The following COG8 variants were observed in gnomAD, a reference collection of about 807,000 sequenced individuals.
COG8 encodes the protein component of oligomeric golgi complex 8, also known as conserved oligomeric Golgi complex subunit 8.
In COG8, 45 loss-of-function variants were observed where a neutral mutation model predicts 46.5. The ratio of observed to expected loss-of-function variants is 0.97; its 90% confidence interval spans 0.76 to 1.24. The LOEUF is 1.24. Ranked by LOEUF, COG8 falls within the 50% of genes most tolerant of loss-of-function variation. The pLI, the probability that COG8 is intolerant of heterozygous loss-of-function variation, is 0.00. For synonymous variants in COG8, 407 were observed against 347.8 expected (o/e 1.17, Z -1.90); for missense variants, 793 against 820.8 (o/e 0.97, Z 0.41).
intron 1 of COG8, among the ~76,000 whole-genome samples, chr16:69,336,967 G>A (rs920643880): frequency 6.6e-6 from 1 of 152,166 alleles, no homozygotes; most frequent in African/African-American, 2.4e-5. Flanking sequence ...GCTGTGGCAA[G>A]GTACTTGGCC....
chr16:69,326,639 C>CG lies in COG8; in HGVS notation c.*2566dup. The CG allele has an allele frequency of 6.6e-6, 1 of 152,352 alleles. No homozygotes were observed. The highest frequency in any genetic ancestry group is 1.9e-4 in the East Asian group (1 of 5,188). The allele number at this position is 152,352 out of a possible 1,614,324, so 9.4% of individuals were successfully genotyped here. On this transcript the variant is annotated 3_prime_UTR_variant, in exon 6 of 6. Coordinates refer to ENST00000306875, the MANE Select transcript of COG8 (RefSeq NM_032382.5). ...CATGACCAGCAACAGGAACCACTGA[C>CG]GCTGAACTTTGGACAGTGGCCTCAG...
Position 69,336,544 on chromosome 16 carries a change from G to A in COG8, c.546C>T (p.Arg182=). ...EEALELAAYV[R]RLERKYSSIP... is the part of the protein sequence containing the mutation. ...TGGAAGAGTATTTCCTCTCCAGTCG[G>A]CGTACGTAGGCTGCAAGCTCCAGGG... Residue 182 remains arginine, a synonymous_variant, in exon 2 of 6, where the codon CGC becomes CGT. Transcript: ENST00000306875. The A allele has an allele frequency of 6.2e-7, 1 of 1,614,150 alleles. No homozygotes were observed. Among genetic ancestry groups the A allele is most frequent in the Non-Finnish European group, 8.5e-7 (1 of 1,180,028 alleles).
chr16:69,339,289 CT>C lies in COG8; in HGVS notation c.263del (p.Lys88ArgfsTer42). 3.7e-6 allele frequency: 6 copies of C among 1,612,352 alleles called. No individual in the cohort carries two copies. Among genetic ancestry groups the C allele is most frequent in the Non-Finnish European group, 5.1e-6 (6 of 1,179,692 alleles). On this transcript the variant is annotated frameshift_variant, in exon 1 of 6. Coordinates refer to ENST00000306875, the MANE Select transcript of COG8 (RefSeq NM_032382.5). LOFTEE classifies it high-confidence loss of function. ...QTRDLAFANY[K>X]TFIRGAECTE... ...TGCACTCGGCGCCGCGGATGAAGGT[CT>C]TGTAGTTAGCGAAGGCCAAGTCGCG... is the stretch of plus-strand genomic sequence containing the variant.
rs1020998333 is a variant in COG8, at chr16:69,338,978, G to A, written c.377+198C>T. 1.5e-5 allele frequency: 11 copies of A among 747,514 alleles called. No homozygotes were observed. In the South Asian group the frequency reaches 1.7e-4, roughly 12 times the overall value. 46.3% of individuals were successfully genotyped at this position (747,514 alleles called of 1,614,324 possible). ...CACTGCACTCCAGCCTGGCGACAGG[G>A]CGAGACTCCGTCTCAAAAAAGATAA... On this transcript the variant is annotated intron_variant, in intron 1 of 5. Transcript: ENST00000306875.
chr16:69,336,462 T>G, intron 2 of COG8, 43 bp downstream of exon 2: 1 of 1,577,110 alleles, frequency 6.3e-7, no homozygotes, highest in Non-Finnish European at 8.7e-7. Context: ...AATAAATGAT[T>G]ACAAGAACAT....
chr16:69,334,954 A>C lies in COG8; in HGVS notation c.980T>G (p.Leu327Arg), dbSNP rs533152141. 1.6e-5 allele frequency: 26 copies of C among 1,614,162 alleles called. 1 individual carries two copies. In the South Asian group the frequency reaches 2.6e-4, roughly 16 times the overall value. Residue 327 changes from leucine (L) to arginine (R), a missense_variant, in exon 3 of 6, where the codon CTG becomes CGG. Leu to Arg is a moderately radical substitution (Grantham distance 102). Transcript: ENST00000306875. ...GWVLQKVSQF[L>R]QVLETDLYRG... ...GTAAAGGTCGGTCTCCAGCACCTGC[A>C]GGAATTGTGAGACCTTCTGTAGCAC...
intron 2 of COG8, among the ~76,000 whole-genome samples, chr16:69,335,958 G>A (rs1290724554): frequency 2.0e-5 from 3 of 151,996 alleles, no homozygotes; most frequent in South Asian, 2.1e-4. Context: ...GTGCTCTCCC[G>A]CTGCTACAAT....
chr16:69,337,794 C>T (rs1400971245), intron 1 of COG8, among the ~76,000 whole-genome samples: 2 of 150,514 alleles, frequency 1.3e-5, no homozygotes, highest in Non-Finnish European at 2.9e-5. Context: ...TGCAGTGGCA[C>T]GCATCATCTT....
At position 69,328,868 on chromosome 16, in the gene COG8, G is replaced by A; in HGVS notation, c.*338C>T. On this transcript the variant is annotated 3_prime_UTR_variant, in exon 6 of 6. Transcript: ENST00000306875. The stretch of plus-strand genomic sequence containing the variant: ...AACTGATTTCAGGGCAAACATTTCT[G>A]ACATCTTCCTCCAGCTCAGTCTGCC... 1 of 1,002,094 alleles carries A rather than the reference G, an allele frequency of 1.0e-6. No individual in the cohort carries two copies. Among genetic ancestry groups the A allele is most frequent in the South Asian group, 1.7e-5 (1 of 58,416 alleles). The allele number at this position is 1,002,094 out of a possible 1,614,324, so 62.1% of individuals were successfully genotyped here.
chr16:69,335,117 T>C lies in COG8; in HGVS notation c.817A>G (p.Lys273Glu), dbSNP rs774533845. ...PNDDPYFHIT[K>E]TIEASRVHLF... ...TGGACACGGGAGGCCTCGATGGTTT[T>C]TGTAATATGGAAATAGGGATCATCA... is the stretch of plus-strand genomic sequence containing the variant. Residue 273 changes from lysine to glutamate, a missense_variant, in exon 3 of 6, where the codon AAA becomes GAA. Coordinates refer to ENST00000306875, the MANE Select transcript of COG8 (RefSeq NM_032382.5). 6.2e-7 allele frequency: 1 copy of C among 1,614,138 alleles called. No individual in the cohort carries two copies. Among genetic ancestry groups the C allele is most frequent in the Admixed American group, 1.7e-5 (1 of 60,012 alleles).
At position 69,339,423 on chromosome 16, in the gene COG8, G is replaced by T; in HGVS notation, c.130C>A (p.Pro44Thr). 6.3e-7 allele frequency: 1 copy of T among 1,583,466 alleles called. No individual in the cohort carries two copies. The highest frequency in any genetic ancestry group is 1.8e-5 in the Admixed American group (1 of 56,822). ...RFPEAQWRER[P>T]DVGRYLRELS... ...TCCCGGAGGTAGCGGCCCACATCGG[G>T]CCGCTCGCGCCACTGGGCCTCGGGG... The change falls in exon 1 of 6, where the codon CCC (proline) becomes ACC (threonine). Residue 44 changes from proline to threonine, a missense_variant. Physicochemically the swap from Pro to Thr is conservative, Grantham distance 38. Coordinates refer to ENST00000306875, the MANE Select transcript of COG8 (RefSeq NM_032382.5).
chr16:69,336,048 CTT>C (rs2012189203), intron 2 of COG8, among the ~76,000 whole-genome samples: 1 of 152,180 alleles, frequency 6.6e-6, no homozygotes, highest in Non-Finnish European at 1.5e-5. Context: ...GTTCTTCACA[CTT>C]TCTGGTTTGC....
chr16:69,332,615 C>A, intron 4 of COG8, 99 bp downstream of exon 4: 1 of 1,137,784 alleles, frequency 8.8e-7, no homozygotes, highest in Non-Finnish European at 1.3e-6. Flanking sequence ...AAATTGGATT[C>A]ATATTTACTA....
At chr16:69,333,466 CCCAATACATGGT>C (rs2012016221) in intron 3 of COG8, among the ~76,000 whole-genome samples, 2 of 152,200 alleles carry the variant, frequency 1.3e-5, no homozygotes, top group Admixed American at 6.5e-5. Flanking sequence ...CTGCGCCCGG[CCCAATACATGGT>C]TCTTAACTTC....
chr16:69,330,660 C>T (rs929367245), intron 5 of COG8, 153 bp downstream of exon 5: 38 of 1,401,296 alleles, frequency 2.7e-5, no homozygotes, highest in Non-Finnish European at 3.5e-5. Context: ...CACAGCGAAG[C>T]CGCGACTGGA....
chr16:69,339,081 G>A (rs2012376005), intron 1 of COG8, 95 bp downstream of exon 1: 6 of 1,557,568 alleles, frequency 3.9e-6, no homozygotes, highest in Non-Finnish European at 4.4e-6. Flanking sequence ...AGAGAACCTG[G>A]AACGTGGTAA....
Position 69,330,301 on chromosome 16 carries a change from G to A in COG8, c.*26+512C>T, listed in dbSNP as rs1236985444. The A allele has an allele frequency of 6.3e-6, 9 of 1,429,090 alleles. No individual in the cohort carries two copies. The East Asian group carries it at 9.1e-5, about 14-fold the overall frequency. The allele number at this position is 1,429,090 out of a possible 1,614,324, so 88.5% of individuals were successfully genotyped here. A position where few individuals can be genotyped will look rare whatever the true frequency, so the allele number is the denominator to read the frequency against. ...GCCGTTGCGTCAGCCGCTGCAGCTC[G>A]GGCCCGCCTAGCTGCGCCCGCTCCA... On this transcript the variant is annotated intron_variant, in intron 5 of 5. Transcript: ENST00000306875.
At position 69,335,218 on chromosome 16, in the gene COG8, G is replaced by T. The variant is rs1244337365; in HGVS notation, c.716C>A (p.Thr239Asn). The change falls in exon 3 of 6, where the codon ACT becomes AAT. Residue 239 changes from threonine (T) to asparagine (N), a missense_variant. Thr to Asn is a moderately conservative substitution (Grantham distance 65). Coordinates refer to ENST00000306875, the MANE Select transcript of COG8 (RefSeq NM_032382.5). ...AAACTTCACCCTCAACTCAGCCTCA[G>T]TGAAGACGTCCATGCGCCGCAGGTA... ...IGYLRRMDVF[T>N]EAELRVKFLQ... The T allele has an allele frequency of 2.5e-6, 4 of 1,614,056 alleles. No homozygotes were observed. The East Asian group carries it at 6.7e-5, about 27-fold the overall frequency.
chr16:69,334,375 G>A lies in COG8; in HGVS notation c.1413+146C>T, dbSNP rs893173603. On this transcript the variant is annotated intron_variant, in intron 3 of 5. Coordinates refer to ENST00000306875, the MANE Select transcript of COG8 (RefSeq NM_032382.5). ...GTCCCATGAAGGGCAACTGGCCAGA[G>A]CTTCTCAATCAGGAGAACCTCCAAA... 4.0e-5 allele frequency: 30 copies of A among 756,734 alleles called. No homozygotes were observed. The East Asian group carries it at 5.9e-4, about 15-fold the overall frequency. 46.9% of individuals were successfully genotyped at this position (756,734 alleles called of 1,614,324 possible).
Sources: gnomAD v4.1 joint callset for allele counts (sites outside exome capture counted in the v4.1 genomes callset) on GRCh38, gnomAD v4.1.1 for gene constraint, MANE v1.5 for transcripts, NCBI Gene and HGNC (gene_info 2026-07-23, HGNC 2026-07-21) for gene names.